The following ZNF804A variants were observed in gnomAD, a reference collection of about 807,000 sequenced individuals.
ZNF804A encodes the protein zinc finger protein 804A.
In ZNF804A, 2 loss-of-function variants were observed where a neutral mutation model predicts 16.5. The observed-to-expected ratio is 0.12, with a 90% CI of 0.05 to 0.38. ZNF804A has a LOEUF of 0.38. Among genes scored for constraint, ZNF804A ranks in the 10% least tolerant of loss-of-function variants. ZNF804A has a pLI of 0.99. For missense variants in ZNF804A, 1,473 were observed against 1,390.7 expected (o/e 1.06, Z -0.94); for synonymous variants, 534 against 489.6 (o/e 1.09, Z -1.20).
chr2:184,846,450 T>G (rs1007699332), intron 1 of ZNF804A, among the ~76,000 whole-genome samples: 4 of 152,132 alleles, frequency 2.6e-5, no homozygotes, highest in Non-Finnish European at 4.4e-5. Flanking sequence ...TAATCTACAG[T>G]GAGACTCTTT....
At chr2:184,717,379 C>A (rs559575887) in intron 1 of ZNF804A, among the ~76,000 whole-genome samples, 3 of 152,086 alleles carry the variant, frequency 2.0e-5, no homozygotes, top group African/African-American at 7.2e-5. Context: ...TCATCAGTAA[C>A]TCTGTCCTGC....
intron 1 of ZNF804A, among the ~76,000 whole-genome samples, chr2:184,636,549 CTGTGTGTGTGTGTG>C (rs71011052): frequency 9.5e-4 from 132 of 138,604 alleles, no homozygotes; most frequent in African/African-American, 2.2e-3. Context: ...GGCTCTAGGG[CTGTGTGTGTGTGTG>C]TGTGTGTGTG....
At chr2:184,899,964 C>T (rs1685151860) in intron 2 of ZNF804A, among the ~76,000 whole-genome samples, 1 of 151,642 alleles carries the variant, frequency 6.6e-6, no homozygotes, top group Admixed American at 6.6e-5. Flanking sequence ...CTAGTTCAAC[C>T]CATCTTCAAA....
In ZNF804A at chr2:184,604,146, C is replaced by CTTTTTTTTTTTTTTTTTTTTTT. The variant is rs759053144; in HGVS notation, c.111+5096_111+5117dup. Among the ~76,000 whole-genome samples, 5 of 44,862 alleles carry CTTTTTTTTTTTTTTTTTTTTTT rather than the reference C, an allele frequency of 1.1e-4. 2 individuals carry two copies. The highest frequency in any genetic ancestry group is 1.8e-4 in the Non-Finnish European group (4 of 22,814). 29.4% of individuals were successfully genotyped at this position (44,862 alleles called of 152,430 possible). On this transcript the variant is annotated intron_variant, in intron 1 of 3. Coordinates refer to ENST00000302277, the MANE Select transcript of ZNF804A (RefSeq NM_194250.2). ...TTCAGGTTATGGATGACTGCAATTA[C>CTTTTTTTTTTTTTTTTTTTTTT]TTTTTTTTTTTTTTTTTTTTTTTTT...
chr2:184,798,006 ATGTGTGTGTGTGTG>A (rs58199746), intron 1 of ZNF804A, among the ~76,000 whole-genome samples: 29 of 133,338 alleles, frequency 2.2e-4, no homozygotes, highest in Non-Finnish European at 2.7e-4. Flanking sequence ...TGGCTGATAT[ATGTGTGTGTGTGTG>A]TGTGTGTGTG....
intron 2 of ZNF804A, among the ~76,000 whole-genome samples, chr2:184,908,198 C>A (rs2105830455): frequency 6.6e-6 from 1 of 152,246 alleles, no homozygotes; most frequent in African/African-American, 2.4e-5. Context: ...AGAAGACAAA[C>A]TGTTCCCTTG....
At chr2:184,659,341 C>T (rs1057125291) in intron 1 of ZNF804A, among the ~76,000 whole-genome samples, 6 of 152,076 alleles carry the variant, frequency 3.9e-5, no homozygotes, top group Non-Finnish European at 8.8e-5. Flanking sequence ...TCCCAGTCCT[C>T]CTCTCAGTAA....
At chr2:184,661,752 G>A (rs1360708864) in intron 1 of ZNF804A, among the ~76,000 whole-genome samples, 6 of 152,118 alleles carry the variant, frequency 3.9e-5, no homozygotes, top group African/African-American at 1.4e-4. Flanking sequence ...CATGAAGATG[G>A]GGTTTCACCA....
intron 1 of ZNF804A, among the ~76,000 whole-genome samples, chr2:184,773,792 C>A (rs116421086): frequency 6.6e-6 from 1 of 151,666 alleles, no homozygotes; most frequent in African/African-American, 2.4e-5. Flanking sequence ...CTCCCAAAAT[C>A]CATTGAAATA....
At chr2:184,714,676 C>T (rs180978451) in intron 1 of ZNF804A, among the ~76,000 whole-genome samples, 265 of 152,134 alleles carry the variant, frequency 1.7e-3, no homozygotes, top group Non-Finnish European at 3.0e-3. Flanking sequence ...CACAATTTTT[C>T]GAGTAAGGTA....
intron 1 of ZNF804A, among the ~76,000 whole-genome samples, chr2:184,617,112 A>T (rs1008568914): frequency 6.6e-6 from 1 of 152,176 alleles, no homozygotes; most frequent in Non-Finnish European, 1.5e-5. Context: ...AAATTAAAAA[A>T]ACTTGAAAAA....
At chr2:184,894,225 G>A (rs908430862) in intron 2 of ZNF804A, among the ~76,000 whole-genome samples, 1 of 152,048 alleles carries the variant, frequency 6.6e-6, no homozygotes, top group African/African-American at 2.4e-5. Context: ...GCTGCATTAA[G>A]CTTTACTCGG....
At chr2:184,887,302 A>C (rs760988626) in intron 2 of ZNF804A, among the ~76,000 whole-genome samples, 2 of 152,230 alleles carry the variant, frequency 1.3e-5, no homozygotes, top group African/African-American at 4.8e-5. Context: ...CTTATTGTAC[A>C]TATTGCTATC....
chr2:184,888,083 A>G (rs932566459), intron 2 of ZNF804A, among the ~76,000 whole-genome samples: 2 of 152,148 alleles, frequency 1.3e-5, no homozygotes, highest in African/African-American at 4.8e-5. Context: ...CATGCAATTT[A>G]CCTATATTAC....
intron 1 of ZNF804A, among the ~76,000 whole-genome samples, chr2:184,750,333 C>T (rs1048668029): frequency 2.0e-5 from 3 of 151,252 alleles, no homozygotes; most frequent in Non-Finnish European, 4.4e-5. Context: ...CTTAATGTGA[C>T]AAAAATACAT....
At chr2:184,738,406 T>A (rs546582611) in intron 1 of ZNF804A, among the ~76,000 whole-genome samples, 1 of 152,294 alleles carries the variant, frequency 6.6e-6, no homozygotes, top group East Asian at 1.9e-4. Flanking sequence ...TGAGCTCCGC[T>A]TGTTATTTTG....
intron 1 of ZNF804A, among the ~76,000 whole-genome samples, chr2:184,825,324 T>C (rs1408487395): frequency 1.3e-5 from 2 of 152,214 alleles, no homozygotes; most frequent in African/African-American, 4.8e-5. Flanking sequence ...GTAGTACAGA[T>C]AAGTTTATAT....
intron 1 of ZNF804A, among the ~76,000 whole-genome samples, chr2:184,791,173 T>C (rs1329611267): frequency 1.3e-5 from 2 of 152,168 alleles, no homozygotes; most frequent in African/African-American, 2.4e-5. Context: ...GCTATGTGCA[T>C]CAAGGTTAAA....
At chr2:184,639,632 T>C (rs186070373) in intron 1 of ZNF804A, among the ~76,000 whole-genome samples, 203 of 152,306 alleles carry the variant, frequency 1.3e-3, no homozygotes, top group Non-Finnish European at 2.5e-3. Flanking sequence ...AAGGTTGTCA[T>C]GATTAAGACA....
Sources: allele counts gnomAD v4.1 joint callset (sites outside exome capture counted in the v4.1 genomes callset), GRCh38; gene constraint gnomAD v4.1.1; transcripts MANE v1.5; gene names NCBI Gene and HGNC (gene_info 2026-07-23, HGNC 2026-07-21).